Variants in STRIP2 observed in about 807,000 individuals in gnomAD.
STRIP2 encodes the protein striatin-interacting protein 2.
A neutral mutation model predicts 107.1 loss-of-function variants in STRIP2; 84 were observed. The observed-to-expected ratio is 0.78, with a 90% CI of 0.66 to 0.94. The LOEUF is 0.94. STRIP2 is among the 40% of genes least tolerant of loss of function. The probability of loss-of-function intolerance (pLI) is 0.00; values close to 1 mark genes in which losing one functional copy is unlikely to be tolerated. For missense variants in STRIP2, 888 were observed against 1,034.2 expected (o/e 0.86, Z 1.94); for synonymous variants, 394 against 400.4 (o/e 0.98, Z 0.19).
Position 129,446,149 on chromosome 7 carries a change from A to G in STRIP2, c.274+2051A>G, listed in dbSNP as rs548261259. ...AACTTCCGTCCCTGCCACAGTGGCCACTTTGCTCATGGGCCCATTGGACAA... is the reference window on the plus strand; with the variant it reads ...AACTTCCGTCCCTGCCACAGTGGCCGCTTTGCTCATGGGCCCATTGGACAA... On this transcript the variant is annotated intron_variant, in intron 3 of 20. Coordinates refer to ENST00000249344, the MANE Select transcript of STRIP2 (RefSeq NM_020704.3). Among the ~76,000 whole-genome samples, 5 of 152,266 alleles carry G rather than the reference A, an allele frequency of 3.3e-5. No individual in the cohort carries two copies. In the South Asian group the frequency reaches 1.0e-3, roughly 32 times the overall value.
intron 14 of STRIP2, among the ~76,000 whole-genome samples, chr7:129,463,721 C>T (rs1281674198): frequency 6.6e-6 from 1 of 152,192 alleles, no homozygotes; most frequent in Non-Finnish European, 1.5e-5. Context: ...TCTTGAACTT[C>T]CAACCTCAAG....
At chr7:129,436,570 T>A (rs1797745198) in intron 1 of STRIP2, among the ~76,000 whole-genome samples, 2 of 152,222 alleles carry the variant, frequency 1.3e-5, no homozygotes. Context: ...GCTGGAAAGA[T>A]TAGCTTTCCT....
At chr7:129,450,591 C>T (rs1798158308) in intron 3 of STRIP2, among the ~76,000 whole-genome samples, 1 of 152,214 alleles carries the variant, frequency 6.6e-6, no homozygotes, top group African/African-American at 2.4e-5. Flanking sequence ...GTGTCAGATA[C>T]TGGAGGCAGG....
intron 18 of STRIP2, among the ~76,000 whole-genome samples, chr7:129,473,757 G>A (rs1275402551): frequency 2.7e-5 from 4 of 149,918 alleles, no homozygotes; most frequent in South Asian, 2.1e-4. Context: ...TCGCTCTGTC[G>A]GCCAGGCTGG....
In STRIP2 at chr7:129,483,016, C is replaced by T. The variant is rs369571095; in HGVS notation, c.2224C>T (p.Arg742Cys). ...AGCCATTTACCAGAAAGTGCGTCAC[C>T]GCATGAACGATGACTGGGCTTACGG... ...MSAIYQKVRH[R>C]MNDDWAYGND... is the part of the protein sequence containing the mutation. Residue 742 changes from arginine (R) to cysteine (C), a missense_variant, in exon 20 of 21, where the codon CGC (arginine) becomes TGC (cysteine). Coordinates refer to ENST00000249344, the MANE Select transcript of STRIP2 (RefSeq NM_020704.3). The surrounding 1 kb of genome is among the most constrained non-coding windows in gnomAD (Gnocchi z 5.1). The T allele has an allele frequency of 8.4e-5, 136 of 1,614,050 alleles. No individual in the cohort carries two copies. The highest frequency in any genetic ancestry group is 1.1e-4 in the Non-Finnish European group (132 of 1,180,050).
chr7:129,478,457 C>T (rs1427132400), intron 18 of STRIP2, among the ~76,000 whole-genome samples: 1 of 152,144 alleles, frequency 6.6e-6, no homozygotes, highest in Non-Finnish European at 1.5e-5. Flanking sequence ...TTGCTGTGAG[C>T]CGAGATGGCA....
chr7:129,472,721 G>T (rs1798816407), intron 18 of STRIP2, among the ~76,000 whole-genome samples: 1 of 144,984 alleles, frequency 6.9e-6, no homozygotes, highest in African/African-American at 2.6e-5. Context: ...TTAACAAATT[G>T]CAAGCACAGA....
chr7:129,479,198 T>C (rs545653988), intron 18 of STRIP2, among the ~76,000 whole-genome samples: 20 of 150,708 alleles, frequency 1.3e-4, no homozygotes, highest in Middle Eastern at 3.4e-3. Context: ...TGCTTGAACC[T>C]GGGAGGCAGA....
rs1219921507 is a variant in STRIP2 at position 129,434,456 on chromosome 7, A to G, written c.-17A>G. The stretch of plus-strand genomic sequence containing the variant: ...GCAAAGCGAGCTGAACCCTGAGGGG[A>G]GCCGCTGACCAGCAGCATGGAGGAC... On this transcript the variant is annotated 5_prime_UTR_variant, in exon 1 of 21. Coordinates refer to ENST00000249344, the MANE Select transcript of STRIP2 (RefSeq NM_020704.3). 3 of 1,497,706 alleles carry G rather than the reference A, an allele frequency of 2.0e-6. No individual in the cohort carries two copies. Among genetic ancestry groups the G allele is most frequent in the Non-Finnish European group, 2.7e-6 (3 of 1,130,082 alleles). The allele number at this position is 1,497,706 out of a possible 1,614,324, so 92.8% of individuals were successfully genotyped here.
intron 20 of STRIP2, chr7:129,484,473 A>T (rs1315937882): frequency 2.6e-5 from 4 of 152,172 alleles, no homozygotes. Flanking sequence ...ATTTTAAAGG[A>T]TGATGCAGTA....
At chr7:129,454,663 C>T in intron 7 of STRIP2, 136 bp downstream of exon 7, 1 of 647,676 alleles carries the variant, frequency 1.5e-6, no homozygotes, top group Non-Finnish European at 2.8e-6. Flanking sequence ...TCTTTTAGGA[C>T]ACAGATACTG....
intron 11 of STRIP2, 72 bp from the exon 12 acceptor site, chr7:129,459,445 A>G: frequency 7.7e-7 from 1 of 1,296,304 alleles, no homozygotes; most frequent in South Asian, 1.2e-5. Context: ...TGTTGACTCT[A>G]GGGGGGTATT....
Position 129,454,525 on chromosome 7 carries a change from T to A in STRIP2, c.704T>A (p.Leu235Ter), listed in dbSNP as rs1798289300. 6.2e-7 allele frequency: 1 copy of A among 1,606,122 alleles called. No homozygotes were observed. Among genetic ancestry groups the A allele is most frequent in the African/African-American group, 1.3e-5 (1 of 74,764 alleles). ...GCCCGGGAGACCTTCCGCACTGAAT[T>A]AAGTAAGAAATGGCACTTGAGGAAG... ...RTARETFRTE[L>*]SFSMHNEEPF... The change falls in exon 7 of 21, where the codon TTA becomes TAA. Residue 235 changes from leucine to a stop codon, truncating the protein, a stop_gained and splice_region_variant. Coordinates refer to ENST00000249344, the MANE Select transcript of STRIP2 (RefSeq NM_020704.3). LOFTEE classifies it high-confidence loss of function.
At chr7:129,476,398 G>T (rs1265028018) in intron 18 of STRIP2, among the ~76,000 whole-genome samples, 2 of 147,434 alleles carry the variant, frequency 1.4e-5, no homozygotes, top group African/African-American at 5.0e-5. Flanking sequence ...CTGCCGGGCG[G>T]AGGGGCTCCT....
intron 2 of STRIP2, among the ~76,000 whole-genome samples, chr7:129,443,605 C>T (rs1562895090): frequency 6.6e-6 from 1 of 152,216 alleles, no homozygotes; most frequent in African/African-American, 2.4e-5. Context: ...CCATGGTTTC[C>T]TGATCCAGCA....
chr7:129,485,783 T>G lies in STRIP2; in HGVS notation c.2459T>G (p.Val820Gly), dbSNP rs1165866707. The G allele has an allele frequency of 5.0e-6, 8 of 1,613,946 alleles. No homozygotes were observed. In the East Asian group the frequency reaches 1.8e-4, roughly 36 times the overall value. ...YSYELWLERE[V>G]FSQPICWEEL... ...TATGAGCTCTGGCTCGAGAGAGAGG[T>G]GTTTTCACAGCCCATCTGTTGGGAG... Residue 820 changes from valine (V) to glycine (G), a missense_variant, in exon 21 of 21, where the codon GTG becomes GGG. Transcript: ENST00000249344.
At chr7:129,468,971 T>C (rs1265856531) in intron 17 of STRIP2, among the ~76,000 whole-genome samples, 1 of 152,228 alleles carries the variant, frequency 6.6e-6, no homozygotes, top group Non-Finnish European at 1.5e-5. Context: ...GTCTGCATTG[T>C]TTGCTTCTCA....
At chr7:129,476,317 G>A (rs1388807674) in intron 18 of STRIP2, among the ~76,000 whole-genome samples, 5 of 139,926 alleles carry the variant, frequency 3.6e-5, no homozygotes, top group Admixed American at 7.1e-5. Flanking sequence ...GCTGCCGGGC[G>A]GAGGGGCTCC....
At chr7:129,467,144 A>G (rs919201649) in intron 16 of STRIP2, among the ~76,000 whole-genome samples, 5 of 152,294 alleles carry the variant, frequency 3.3e-5, no homozygotes, top group African/African-American at 9.6e-5. Flanking sequence ...TGCTTGTGAC[A>G]TATACTGCAG....
Sources: gnomAD v4.1 joint callset for allele counts (sites outside exome capture counted in the v4.1 genomes callset) on GRCh38, gnomAD v4.1.1 for gene constraint, Gnocchi (gnomAD v3.1) non-coding constraint, MANE v1.5 for transcripts, NCBI Gene and HGNC (gene_info 2026-07-23, HGNC 2026-07-21) for gene names.